GNG7: variants seen among roughly 807,000 people sequenced by gnomAD.
GNG7 encodes the protein G protein subunit gamma 7, also known as guanine nucleotide-binding protein G(I)/G(S)/G(O) subunit gamma-7.
A neutral mutation model predicts 4.0 loss-of-function variants in GNG7; 1 was observed. The ratio of observed to expected loss-of-function variants is 0.25; its 90% CI spans 0.09 to 1.18. GNG7 has a LOEUF of 1.18. GNG7 is among the 50% of genes most tolerant of loss of function. The pLI is 0.50. For missense variants in GNG7, 86 were observed against 91.9 expected, an observed-to-expected ratio of 0.94 and a Z score of 0.26; for synonymous variants, 34 against 36.9, an observed-to-expected ratio of 0.92 and a Z score of 0.29.
intron 2 of GNG7, among the ~76,000 whole-genome samples, chr19:2,560,328 C>T (rs1253974931): frequency 6.6e-6 from 1 of 152,148 alleles, no homozygotes; most frequent in Admixed American, 6.5e-5. Flanking sequence ...TCAGACCCCA[C>T]ATCACCCCAT....
At position 2,614,268 on chromosome 19, in the gene GNG7, G is replaced by A. The variant is rs906114410; in HGVS notation, c.-78+31956C>T. ...CCCTAGCACCCTCTCCCTGCCCTCT[G>A]TGTACCCGCAGGGGGGCCCTGCACG... is the stretch of plus-strand genomic sequence containing the variant. On this transcript the variant is annotated intron_variant, in intron 2 of 4. Coordinates refer to ENST00000382159, the MANE Select transcript of GNG7 (RefSeq NM_052847.3). This position sits in a 1 kb window ranked among gnomAD's most constrained non-coding sequence, Gnocchi z 6.0. Among the ~76,000 whole-genome samples the A allele has an allele frequency of 1.3e-5, 2 of 152,204 alleles. No homozygotes were observed. The highest frequency in any genetic ancestry group is 4.1e-4 in the South Asian group (2 of 4,832).
intron 1 of GNG7, among the ~76,000 whole-genome samples, chr19:2,696,424 G>GGAAA (rs371764443): frequency 1.4e-4 from 20 of 146,688 alleles, no homozygotes; most frequent in East Asian, 8.0e-4. Context: ...AAGGAAGGAA[G>GGAAA]GAAAGAAAGA....
intron 1 of GNG7, among the ~76,000 whole-genome samples, chr19:2,696,206 G>A (rs28410188): frequency 5.9e-5 from 8 of 136,626 alleles, no homozygotes; most frequent in Admixed American, 1.5e-4. Flanking sequence ...GGAGAGAGGG[G>A]AGAGAGGGAA....
chr19:2,520,663 T>G lies in GNG7; in HGVS notation c.26A>C (p.Gln9Pro). The G allele has an allele frequency of 6.4e-7, 1 of 1,550,568 alleles. No homozygotes were observed. Among genetic ancestry groups the G allele is most frequent in the Middle Eastern group, 1.7e-4 (1 of 5,990 alleles). Reference sequence around the variant, plus strand: ...TAGCTGTTCCACCAGCTTCCGGGCCTGGGCTATGTTGTTAGTGGCTGACAT... The same window carrying G: ...TAGCTGTTCCACCAGCTTCCGGGCCGGGGCTATGTTGTTAGTGGCTGACAT... MSATNNIA[Q>P]ARKLVEQLRI... The change falls in exon 4 of 5, where the codon CAG becomes CCG. Residue 9 changes from glutamine (Q) to proline (P), a missense_variant. By Grantham distance (76) the Gln-to-Pro change is moderately conservative (BLOSUM62 -1). Coordinates refer to ENST00000382159, the MANE Select transcript of GNG7 (RefSeq NM_052847.3).
chr19:2,661,270 A>AAAAGAAAGAAAGAAAGAAAGAAAGAAAGG (rs1983145425), intron 1 of GNG7, among the ~76,000 whole-genome samples: 5 of 70,928 alleles, frequency 7.0e-5, no homozygotes, highest in African/African-American at 1.9e-4. Context: ...AGAAAGAAAG[A>AAAAGAAAGAAAGAAAGAAAGAAAGAAAGG]AAAGAAAGAA....
intron 1 of GNG7, among the ~76,000 whole-genome samples, chr19:2,690,633 G>A (rs995141984): frequency 2.0e-5 from 3 of 151,150 alleles, no homozygotes; most frequent in Non-Finnish European, 2.9e-5. Flanking sequence ...TTGCTCTGTC[G>A]CCCAGGCTGG....
At chr19:2,643,879 C>T (rs749219555) in intron 2 of GNG7, 3 of 341,224 alleles carry the variant, frequency 8.8e-6, no homozygotes, top group African/African-American at 4.3e-5. Context: ...AGCCTCCAGG[C>T]GACCTCTGAT....
chr19:2,531,541 C>T (rs141755619), intron 3 of GNG7, among the ~76,000 whole-genome samples: 25 of 151,904 alleles, frequency 1.6e-4, no homozygotes, highest in African/African-American at 5.6e-4. Flanking sequence ...ACAGGCCGGG[C>T]GCGGTGGCTC....
intron 2 of GNG7, among the ~76,000 whole-genome samples, chr19:2,598,389 G>GGT: frequency 3.3e-5 from 5 of 152,180 alleles, no homozygotes; most frequent in Admixed American, 6.5e-5. Context: ...CGGGCGTGGT[G>GGT]GCTCACGCCT....
At chr19:2,603,941 C>T (rs947014528) in intron 2 of GNG7, among the ~76,000 whole-genome samples, 1 of 152,002 alleles carries the variant, frequency 6.6e-6, no homozygotes, top group Non-Finnish European at 1.5e-5. Context: ...AGCTCTGCCT[C>T]CTGGGTTCAC....
chr19:2,682,655 C>CAAAAAAAAAAA (rs745799326), intron 1 of GNG7, among the ~76,000 whole-genome samples: 2 of 64,340 alleles, frequency 3.1e-5, no homozygotes, highest in Non-Finnish European at 6.3e-5. Flanking sequence ...GACTCCATCT[C>CAAAAAAAAAAA]AAAAAAAAAA....
At chr19:2,650,121 G>T (rs116096216) in intron 1 of GNG7, among the ~76,000 whole-genome samples, 1,936 of 151,812 alleles carry the variant, frequency 0.013, 39 homozygotes, top group African/African-American at 0.044. Context: ...ATGGACAATC[G>T]GCTCGTTCCT....
At chr19:2,687,464 A>G (rs1330480148) in intron 1 of GNG7, among the ~76,000 whole-genome samples, 1 of 151,670 alleles carries the variant, frequency 6.6e-6, no homozygotes, top group East Asian at 2.0e-4. Flanking sequence ...TAAAAATACA[A>G]AATTAGCCAG....
At chr19:2,540,515 G>T (rs1978925077) in intron 3 of GNG7, among the ~76,000 whole-genome samples, 1 of 152,226 alleles carries the variant, frequency 6.6e-6, no homozygotes, top group South Asian at 2.1e-4. Context: ...TGTGCAGAGG[G>T]TGGGTGCGTG....
At chr19:2,628,343 T>C (rs1982070348) in intron 2 of GNG7, among the ~76,000 whole-genome samples, 2 of 152,178 alleles carry the variant, frequency 1.3e-5, no homozygotes, top group Non-Finnish European at 2.9e-5. Context: ...GCTCTAGGAA[T>C]GAGGTCCCTG....
At chr19:2,646,142 G>A (rs1225203745) in intron 2 of GNG7, 82 bp downstream of exon 2, 1 of 152,268 alleles carries the variant, frequency 6.6e-6, no homozygotes, top group Non-Finnish European at 1.5e-5. Context: ...CGCCTTGACG[G>A]CAACCCCACG....
intron 3 of GNG7, among the ~76,000 whole-genome samples, chr19:2,553,757 G>T (rs1484094623): frequency 6.8e-6 from 1 of 147,844 alleles, no homozygotes; most frequent in Non-Finnish European, 1.5e-5. Flanking sequence ...TTACATATAT[G>T]CACATATTGC....
chr19:2,560,912 G>C (rs370955154), intron 2 of GNG7, among the ~76,000 whole-genome samples: 1 of 149,570 alleles, frequency 6.7e-6, no homozygotes, highest in Non-Finnish European at 1.5e-5. Context: ...AGCCGAGATC[G>C]TACCATTGCA....
intron 3 of GNG7, among the ~76,000 whole-genome samples, chr19:2,541,007 G>A (rs1978943680): frequency 6.6e-6 from 1 of 152,272 alleles, no homozygotes; most frequent in African/African-American, 2.4e-5. Flanking sequence ...GAGCTGGCCG[G>A]GGCGGCCTGC....
Sources: gnomAD v4.1 joint callset for allele counts (sites outside exome capture counted in the v4.1 genomes callset) on GRCh38, gnomAD v4.1.1 for gene constraint, Gnocchi (gnomAD v3.1) non-coding constraint, MANE v1.5 for transcripts, NCBI Gene and HGNC (gene_info 2026-07-23, HGNC 2026-07-21) for gene names.